Variants in RALYL observed in about 807,000 individuals in gnomAD.
RALYL encodes the protein RALY RNA binding protein like, also known as RNA-binding Raly-like protein.
A neutral mutation model predicts 35.1 loss-of-function variants in RALYL; 29 were observed. That is an observed-to-expected ratio of 0.83 (90% CI 0.61 to 1.13). The LOEUF is 1.13. Ranked by LOEUF, RALYL falls within the 50% of genes most tolerant of loss-of-function variation. The probability of loss-of-function intolerance (pLI) is 0.00; values close to 1 mark genes in which losing one functional copy is unlikely to be tolerated. For synonymous variants in RALYL, 120 were observed against 127.6 expected, an observed-to-expected ratio of 0.94 and a Z score of 0.40; for missense variants, 359 against 360.4, an observed-to-expected ratio of 1.00 and a Z score of 0.03.
chr8:84,699,033 G>A (rs1358665639), intron 2 of RALYL, among the ~76,000 whole-genome samples: 1 of 151,968 alleles, frequency 6.6e-6, no homozygotes, highest in Admixed American at 6.6e-5. Flanking sequence ...TAGATAGATA[G>A]ATAGATAGAT....
Position 84,490,078 on chromosome 8 carries a change from CATGTGT to C in RALYL, c.-23-39220_-23-39215del, listed in dbSNP as rs1325032424. On this transcript the variant is annotated intron_variant, in intron 1 of 8. Coordinates refer to ENST00000521268, the MANE Select transcript of RALYL (RefSeq NM_173848.7). Reference sequence around the variant, plus strand: ...TAGTGGAAGTCAGAGTGCTTGCGTGCATGTGTGTGTGTGTGTGTGTGTGTGTGTGTG... The same window carrying C: ...TAGTGGAAGTCAGAGTGCTTGCGTGCGTGTGTGTGTGTGTGTGTGTGTGTG... 4.6e-3 allele frequency among the ~76,000 whole-genome samples: 427 copies of C among 91,924 alleles called. 5 individuals carry two copies. Among genetic ancestry groups the C allele is most frequent in the African/African-American group, 0.014 (410 of 29,212 alleles). The allele number at this position is 91,924 out of a possible 152,430, so 60.3% of individuals were successfully genotyped here.
chr8:84,527,834 G>A (rs1376810767), intron 1 of RALYL, among the ~76,000 whole-genome samples: 1 of 152,042 alleles, frequency 6.6e-6, no homozygotes, highest in Admixed American at 6.6e-5. Flanking sequence ...TAATTTTTAT[G>A]TAAATAACTG....
At chr8:84,497,206 T>C (rs1024029509) in intron 1 of RALYL, among the ~76,000 whole-genome samples, 10 of 152,134 alleles carry the variant, frequency 6.6e-5, no homozygotes, top group African/African-American at 2.4e-4. Flanking sequence ...ATGTCTCTGA[T>C]GGCTACTCTC....
chr8:84,231,680 A>G (rs1452115837), intron 1 of RALYL, among the ~76,000 whole-genome samples: 1 of 152,204 alleles, frequency 6.6e-6, no homozygotes, highest in Non-Finnish European at 1.5e-5. Context: ...TATTTCTTAC[A>G]TACTTTAAGT....
intron 1 of RALYL, among the ~76,000 whole-genome samples, chr8:84,208,434 G>A (rs948232645): frequency 6.6e-6 from 1 of 152,078 alleles, no homozygotes; most frequent in Middle Eastern, 3.4e-3. Flanking sequence ...CAGCTTCACT[G>A]TGTCTGGTAA....
chr8:84,476,414 A>G (rs1464312741), intron 1 of RALYL, among the ~76,000 whole-genome samples: 1 of 152,212 alleles, frequency 6.6e-6, no homozygotes, highest in Non-Finnish European at 1.5e-5. Flanking sequence ...TTTCTATAAA[A>G]AGCAAAGCCA....
intron 3 of RALYL, among the ~76,000 whole-genome samples, chr8:84,778,497 T>G (rs564083849): frequency 1.8e-4 from 28 of 152,316 alleles, no homozygotes; most frequent in Middle Eastern, 3.4e-3. Context: ...GAAGTATGCA[T>G]ACACTTCTGT....
At chr8:84,686,682 G>A (rs1184522201) in intron 2 of RALYL, among the ~76,000 whole-genome samples, 2 of 152,080 alleles carry the variant, frequency 1.3e-5, no homozygotes, top group East Asian at 1.9e-4. Flanking sequence ...TGGGATTTTA[G>A]GCATGAACCA....
At chr8:84,579,771 T>C (rs1810409397) in intron 2 of RALYL, among the ~76,000 whole-genome samples, 1 of 152,236 alleles carries the variant, frequency 6.6e-6, no homozygotes, top group Non-Finnish European at 1.5e-5. Context: ...AATCAGATTC[T>C]ATACTATTTT....
At chr8:84,699,979 A>G (rs1839907942) in intron 2 of RALYL, among the ~76,000 whole-genome samples, 1 of 152,100 alleles carries the variant, frequency 6.6e-6, no homozygotes, top group African/African-American at 2.4e-5. Flanking sequence ...ACATTTTTCA[A>G]CTCTTTTGTA....
intron 1 of RALYL, among the ~76,000 whole-genome samples, chr8:84,380,175 A>G (rs1480690581): frequency 6.6e-6 from 1 of 151,780 alleles, no homozygotes; most frequent in East Asian, 1.9e-4. Flanking sequence ...GATGTGATGC[A>G]GATTATTTAA....
At chr8:84,311,925 A>T (rs73306917) in intron 1 of RALYL, among the ~76,000 whole-genome samples, 1 of 152,150 alleles carries the variant, frequency 6.6e-6, no homozygotes, top group Non-Finnish European at 1.5e-5. Flanking sequence ...TACAATAAAC[A>T]GTGTTGGAAC....
intron 1 of RALYL, among the ~76,000 whole-genome samples, chr8:84,342,626 T>C (rs141312747): frequency 6.6e-6 from 1 of 152,036 alleles, no homozygotes; most frequent in East Asian, 2.0e-4. Flanking sequence ...AGGCTTCATA[T>C]GCCAATTACT....
At chr8:84,192,469 A>G (rs974271570) in intron 1 of RALYL, among the ~76,000 whole-genome samples, 1 of 152,228 alleles carries the variant, frequency 6.6e-6, no homozygotes, top group Non-Finnish European at 1.5e-5. Flanking sequence ...GAAATTTTTC[A>G]TATGGGCTAG....
chr8:84,701,051 A>C (rs551432601), intron 2 of RALYL, among the ~76,000 whole-genome samples: 4 of 152,322 alleles, frequency 2.6e-5, no homozygotes, highest in Non-Finnish European at 4.4e-5. Flanking sequence ...GCAGCTGATA[A>C]GATAAGGAGG....
At chr8:84,473,737 G>T (rs1480566936) in intron 1 of RALYL, among the ~76,000 whole-genome samples, 2 of 151,734 alleles carry the variant, frequency 1.3e-5, no homozygotes, top group East Asian at 3.9e-4. Flanking sequence ...ATTTTCAGTT[G>T]AGAAAATGTG....
intron 3 of RALYL, among the ~76,000 whole-genome samples, chr8:84,795,778 T>C (rs1207828215): frequency 6.6e-6 from 1 of 152,194 alleles, no homozygotes; most frequent in Non-Finnish European, 1.5e-5. Flanking sequence ...GTCAACATGA[T>C]GTTCCCAGCA....
intron 1 of RALYL, among the ~76,000 whole-genome samples, chr8:84,521,147 G>A (rs1346760291): frequency 6.6e-6 from 1 of 152,162 alleles, no homozygotes; most frequent in Non-Finnish European, 1.5e-5. Context: ...ATGAGGTCAT[G>A]AGCGTGAAGA....
chr8:84,289,764 A>G (rs937962117), intron 1 of RALYL, among the ~76,000 whole-genome samples: 1 of 152,184 alleles, frequency 6.6e-6, no homozygotes, highest in Non-Finnish European at 1.5e-5. Flanking sequence ...GCCATTTTGT[A>G]AAGTTTTCTA....
Sources: gnomAD v4.1 joint callset for allele counts (sites outside exome capture counted in the v4.1 genomes callset) on GRCh38, gnomAD v4.1.1 for gene constraint, MANE v1.5 for transcripts, NCBI Gene and HGNC (gene_info 2026-07-23, HGNC 2026-07-21) for gene names.